ORC4: variants seen among roughly 807,000 people sequenced by gnomAD.
The protein encoded by ORC4 is origin recognition complex subunit 4, also known as origin recognition complex, subunit 4 homolog.
Under a neutral mutation model 63.9 loss-of-function variants are expected in ORC4, and 55 were observed. The ratio of observed to expected loss-of-function variants is 0.86; its 90% CI spans 0.69 to 1.08. The LOEUF (loss-of-function observed/expected upper bound fraction) is 1.08, where lower values mean the gene tolerates loss of function less well. Among genes scored for constraint, ORC4 ranks in the 50% least tolerant of loss-of-function variants. The pLI is 0.00. For missense variants in ORC4, 511 were observed against 504.4 expected, an observed-to-expected ratio of 1.01 and a Z score of -0.13; for synonymous variants, 150 against 168.5, an observed-to-expected ratio of 0.89 and a Z score of 0.85.
rs765515190 is a variant in ORC4, at chr2:147,958,420, T to C, written c.302-37A>G. 8 of 1,476,782 alleles carry C rather than the reference T, an allele frequency of 5.4e-6. No homozygotes were observed. The African/African-American group carries it at 8.4e-5, about 15-fold the overall frequency. The allele number at this position is 1,476,782 out of a possible 1,614,324, so 91.5% of individuals were successfully genotyped here. On this transcript the variant is annotated intron_variant, in intron 5 of 13. Transcript: ENST00000392857. Reference sequence around the variant, plus strand: ...TCCATTTAAAAGTATTTAATTAAAATTAAACATGTATTTGATACAGCAGGT... The same window carrying C: ...TCCATTTAAAAGTATTTAATTAAAACTAAACATGTATTTGATACAGCAGGT...
chr2:147,964,653 A>G (rs1689794608), intron 4 of ORC4, among the ~76,000 whole-genome samples: 1 of 152,250 alleles, frequency 6.6e-6, no homozygotes. Context: ...TCAAATTGTT[A>G]AAAGTCACAG....
At chr2:148,004,752 A>T (rs1410988304) in intron 1 of ORC4, among the ~76,000 whole-genome samples, 2 of 152,110 alleles carry the variant, frequency 1.3e-5, no homozygotes, top group African/African-American at 4.8e-5. Context: ...AAAGGATACG[A>T]ACAGACACTT....
chr2:147,974,219 A>G (rs1340206746), intron 2 of ORC4, among the ~76,000 whole-genome samples: 4 of 152,202 alleles, frequency 2.6e-5, no homozygotes, highest in African/African-American at 9.6e-5. Context: ...TTAAAGAGTA[A>G]GGACATTGGC....
intron 8 of ORC4, among the ~76,000 whole-genome samples, chr2:147,951,866 A>G (rs2105296622): frequency 6.6e-6 from 1 of 152,344 alleles, no homozygotes; most frequent in South Asian, 2.1e-4. Flanking sequence ...TGATAGTGAT[A>G]TTGAGACTAT....
intron 10 of ORC4, among the ~76,000 whole-genome samples, chr2:147,940,643 A>G (rs1350786842): frequency 2.0e-5 from 3 of 151,916 alleles, no homozygotes; most frequent in Non-Finnish European, 4.4e-5. Flanking sequence ...ATATATATAT[A>G]TGTGGTATAT....
intron 1 of ORC4, among the ~76,000 whole-genome samples, chr2:147,991,050 C>CTT (rs34841947): frequency 7.5e-4 from 101 of 134,038 alleles, no homozygotes; most frequent in African/African-American, 9.8e-4. Flanking sequence ...ACATATATAT[C>CTT]TTTTTTTTTT....
intron 1 of ORC4, among the ~76,000 whole-genome samples, chr2:147,998,081 T>G (rs1171495350): frequency 2.0e-5 from 3 of 152,150 alleles, no homozygotes; most frequent in Non-Finnish European, 2.9e-5. Context: ...GTAAGTTGAC[T>G]GAGACATAAA....
intron 9 of ORC4, among the ~76,000 whole-genome samples, chr2:147,946,348 A>T (rs372316305): frequency 6.6e-6 from 1 of 152,206 alleles, no homozygotes; most frequent in Admixed American, 6.6e-5. Flanking sequence ...GAAAGACTAC[A>T]TTTGAATCTC....
In ORC4 at chr2:147,943,329, T is replaced by C. The variant is rs1688470910; in HGVS notation, c.849+107A>G. On this transcript the variant is annotated intron_variant, in intron 10 of 13. Transcript: ENST00000392857. Reference sequence around the variant, plus strand: ...ACTTAGGGAGGCAGAGGTGGGAGGATGGCTTAAGGCCAGGAGTTCGCAACC... The same window carrying C: ...ACTTAGGGAGGCAGAGGTGGGAGGACGGCTTAAGGCCAGGAGTTCGCAACC... 1.1e-5 allele frequency: 8 copies of C among 735,172 alleles called. No homozygotes were observed. The East Asian group carries it at 2.1e-4, about 19-fold the overall frequency. The allele number at this position is 735,172 out of a possible 1,614,324, so 45.5% of individuals were successfully genotyped here. A position where few individuals can be genotyped will look rare whatever the true frequency, so the allele number is the denominator to read the frequency against.
At chr2:147,939,329 ATAGT>A (rs1177461331) in intron 10 of ORC4, 81 bp from the exon 11 acceptor site, 1 of 826,308 alleles carries the variant, frequency 1.2e-6, no homozygotes, top group East Asian at 2.5e-5. Flanking sequence ...CTGAATTTGT[ATAGT>A]TAATTCTTAA....
In ORC4 at chr2:148,006,182, G is replaced by A. The variant is rs574222971; in HGVS notation, c.-18+14451C>T. ...AATCTGTGTGCTTGGGAGAGAGAGC[G>A]AAAGTAAGTATGGGACTTTGCGCTG... On this transcript the variant is annotated intron_variant, in intron 1 of 13. Coordinates refer to ENST00000392857, the MANE Select transcript of ORC4 (RefSeq NM_181741.4). Among the ~76,000 whole-genome samples, 9 of 152,304 alleles carry A rather than the reference G, an allele frequency of 5.9e-5. No homozygotes were observed. In the South Asian group the frequency reaches 1.0e-3, roughly 18 times the overall value.
At chr2:147,967,829 C>T (rs1040878967) in intron 4 of ORC4, among the ~76,000 whole-genome samples, 1 of 151,946 alleles carries the variant, frequency 6.6e-6, no homozygotes, top group African/African-American at 2.4e-5. Flanking sequence ...ACAAAAGATG[C>T]CAAATCGCTA....
chr2:147,950,515 C>G (rs1233485332), intron 8 of ORC4, among the ~76,000 whole-genome samples: 4 of 152,018 alleles, frequency 2.6e-5, no homozygotes, highest in Non-Finnish European at 5.9e-5. Context: ...GCCTGTAATC[C>G]CAGCACTTTG....
intron 1 of ORC4, among the ~76,000 whole-genome samples, chr2:147,998,027 C>T (rs1293493247): frequency 6.6e-6 from 1 of 151,888 alleles, no homozygotes; most frequent in African/African-American, 2.4e-5. Flanking sequence ...TAGCTGAAAC[C>T]CAGCTTTTTA....
intron 1 of ORC4, among the ~76,000 whole-genome samples, chr2:147,983,485 G>A (rs116345206): frequency 6.6e-6 from 1 of 152,146 alleles, no homozygotes; most frequent in Non-Finnish European, 1.5e-5. Flanking sequence ...TTGTCCAAGT[G>A]GTCCACTGGT....
intron 1 of ORC4, among the ~76,000 whole-genome samples, chr2:148,006,180 G>A (rs562134670): frequency 6.6e-6 from 1 of 152,156 alleles, no homozygotes. Context: ...GGGAGAGAGA[G>A]CGAAAGTAAG....
At chr2:147,967,518 A>C (rs1442731049) in intron 4 of ORC4, among the ~76,000 whole-genome samples, 1 of 151,990 alleles carries the variant, frequency 6.6e-6, no homozygotes, top group African/African-American at 2.4e-5. Flanking sequence ...AAAAAAAAAA[A>C]TCAAGAAGGC....
chr2:148,020,458 G>A (rs1693634845), intron 1 of ORC4, 175 bp downstream of exon 1: 1 of 152,290 alleles, frequency 6.6e-6, no homozygotes, highest in Admixed American at 6.5e-5. Flanking sequence ...ACAAGACGGA[G>A]CTCGCCTGGT....
chr2:147,976,515 T>C (rs1207480883), intron 1 of ORC4, among the ~76,000 whole-genome samples: 1 of 152,174 alleles, frequency 6.6e-6, no homozygotes, highest in African/African-American at 2.4e-5. Context: ...ATGTGGTTCT[T>C]ACAGCTACTC....
Sources: allele counts gnomAD v4.1 joint callset (sites outside exome capture counted in the v4.1 genomes callset), GRCh38; gene constraint gnomAD v4.1.1; transcripts MANE v1.5; gene names NCBI Gene and HGNC (gene_info 2026-07-23, HGNC 2026-07-21).